Variants in PROM2 observed in about 807,000 individuals in gnomAD.
PROM2 encodes prominin 2.
A neutral mutation model predicts 110.2 loss-of-function variants in PROM2; 90 were observed. The observed-to-expected ratio is 0.82, with a 90% CI of 0.69 to 0.97. The LOEUF is 0.97. Among genes scored for constraint, PROM2 ranks in the 50% least tolerant of loss-of-function variants. PROM2 has a pLI of 0.00. For missense variants in PROM2, 1,009 were observed against 1,074.8 expected (o/e 0.94, Z 0.86); for synonymous variants, 470 against 467.8 (o/e 1.00, Z -0.06).
At chr2:95,285,404 T>A (rs1278703447) in intron 15 of PROM2, among the ~76,000 whole-genome samples, 1 of 152,232 alleles carries the variant, frequency 6.6e-6, no homozygotes, top group Non-Finnish European at 1.5e-5. Flanking sequence ...AGTTGCCTCT[T>A]CCTTAGTTAC....
Position 95,283,288 on chromosome 2 carries a change from A to G in PROM2, c.1728+1062A>G, listed in dbSNP as rs144752156. 2.9e-4 allele frequency among the ~76,000 whole-genome samples: 44 copies of G among 152,264 alleles called. 1 individual carries two copies. The East Asian group carries it at 8.1e-3, about 28-fold the overall frequency. The stretch of plus-strand genomic sequence containing the variant: ...GGAGTCCTGGGCTCTGGTCCTTGGC[A>G]GGGGAGGGTCCAGCTCACAGGAGAG... On this transcript the variant is annotated intron_variant, in intron 14 of 23. Transcript: ENST00000317620.
Position 95,279,046 on chromosome 2 carries a change from G to C in PROM2, c.1176G>C (p.Pro392=). The C allele has an allele frequency of 6.2e-7, 1 of 1,613,084 alleles. No homozygotes were observed. The change falls in exon 10 of 24, where the codon CCG becomes CCC. Residue 392 remains proline (P), a synonymous_variant. Coordinates refer to ENST00000317620, the MANE Select transcript of PROM2 (RefSeq NM_001165978.3). ...TGAGGACACTGGCTGAAGGGTTCCCGGGCTTGGAGGCAGCTTCCCGCTGGG... is the reference window on the plus strand; with the variant it reads ...TGAGGACACTGGCTGAAGGGTTCCCCGGCTTGGAGGCAGCTTCCCGCTGGG... The part of the protein sequence containing the change: ...EGVRTLAEGF[P]GLEAASRWAQ...
In PROM2 at chr2:95,276,884, C is replaced by T. The variant is rs1177391444; in HGVS notation, c.683-88C>T. The T allele has an allele frequency of 7.1e-7, 1 of 1,407,432 alleles. No individual in the cohort carries two copies. Among genetic ancestry groups the T allele is most frequent in the Non-Finnish European group, 9.8e-7 (1 of 1,019,624 alleles). 87.2% of individuals were successfully genotyped at this position (1,407,432 alleles called of 1,614,324 possible). A position where few individuals can be genotyped will look rare whatever the true frequency, so the allele number is the denominator to read the frequency against. Reference sequence around the variant, plus strand: ...CTCCACCCCCCGGCTCCTGCAGAGCCCGGTGGGGCCTGGGGAGGCAGGATG... The same window carrying T: ...CTCCACCCCCCGGCTCCTGCAGAGCTCGGTGGGGCCTGGGGAGGCAGGATG... On this transcript the variant is annotated intron_variant, in intron 5 of 23. Coordinates refer to ENST00000317620, the MANE Select transcript of PROM2 (RefSeq NM_001165978.3). This position sits in a 1 kb window ranked among gnomAD's most constrained non-coding sequence, Gnocchi z 4.6.
At chr2:95,286,402 G>C in intron 16 of PROM2, 77 bp from the exon 17 acceptor site, 1 of 1,278,596 alleles carries the variant, frequency 7.8e-7, no homozygotes, top group Non-Finnish European at 1.1e-6. Flanking sequence ...ACTTTCTCTT[G>C]GTATGTCAGA....
intron 10 of PROM2, 21 bp from the exon 11 acceptor site, chr2:95,279,824 C>A: frequency 7.0e-7 from 1 of 1,430,110 alleles, no homozygotes; most frequent in South Asian, 1.6e-5. Context: ...CTTAGTGACA[C>A]CCATGTCCTC....
chr2:95,281,733 G>A (rs1299799310), intron 12 of PROM2, among the ~76,000 whole-genome samples, 192 bp from the exon 13 acceptor site: 2 of 152,096 alleles, frequency 1.3e-5, no homozygotes, highest in African/African-American at 4.8e-5. Flanking sequence ...AGGGATTCAT[G>A]GGAAGAGCCC....
chr2:95,278,237 G>C (rs1573448560), intron 8 of PROM2: 3 of 589,514 alleles, frequency 5.1e-6, no homozygotes, highest in Non-Finnish European at 6.0e-6. Flanking sequence ...AGGGAGCAGT[G>C]CTCAGTCTGA....
Position 95,285,663 on chromosome 2 carries a change from A to G in PROM2, c.1900A>G (p.Ser634Gly). ...VQIQRPVVKT[S>G]MEQLAQELQG... ...GATCCAGAGGCCCGTGGTGAAGACC[A>G]GCATGGAGCAGCTGGCCCAGGAGCT... Residue 634 changes from serine to glycine, a missense_variant, in exon 16 of 24, where the codon AGC becomes GGC. Transcript: ENST00000317620. The G allele has an allele frequency of 6.2e-7, 1 of 1,604,232 alleles. No individual in the cohort carries two copies.
chr2:95,280,951 A>C (rs1236690018), intron 11 of PROM2, among the ~76,000 whole-genome samples: 1 of 152,180 alleles, frequency 6.6e-6, no homozygotes, highest in Non-Finnish European at 1.5e-5. Context: ...GTGAGCCCGG[A>C]TAGTCCTGGC....
In PROM2 at chr2:95,275,126, G is replaced by A. The variant is rs1339266263; in HGVS notation, c.244+297G>A. 6.2e-6 allele frequency: 3 copies of A among 484,794 alleles called. No homozygotes were observed. Among genetic ancestry groups the A allele is most frequent in the African/African-American group, 3.9e-5 (2 of 50,984 alleles). 30.0% of individuals were successfully genotyped at this position (484,794 alleles called of 1,614,324 possible). ...ATCGGTGCTTGGGTTGGGTGGTCCAGGAGTGTCTGAAGGACCCTCCCAGTC... is the reference window on the plus strand; with the variant it reads ...ATCGGTGCTTGGGTTGGGTGGTCCAAGAGTGTCTGAAGGACCCTCCCAGTC... On this transcript the variant is annotated intron_variant, in intron 1 of 23. Coordinates refer to ENST00000317620, the MANE Select transcript of PROM2 (RefSeq NM_001165978.3). This position sits in a 1 kb window ranked among gnomAD's most constrained non-coding sequence, Gnocchi z 4.4.
At position 95,286,824 on chromosome 2, in the gene PROM2, C is replaced by G. The variant is rs1393568630; in HGVS notation, c.2061C>G (p.Val687=). The change falls in exon 18 of 24, where the codon GTC becomes GTG. Residue 687 remains valine (V), a synonymous_variant. Transcript: ENST00000317620. The part of the protein sequence containing the change: ...QSLVAKLNLS[V]RALESSAPNL... The stretch of plus-strand genomic sequence containing the variant: ...CACAGGCAAAGCTCAACCTCAGCGT[C>G]AGGGCCCTGGAGTCCTCTGCCCCGA... 2.5e-6 allele frequency: 4 copies of G among 1,613,782 alleles called. No individual in the cohort carries two copies. Among genetic ancestry groups the G allele is most frequent in the Non-Finnish European group, 3.4e-6 (4 of 1,179,966 alleles).
At chr2:95,288,376 C>T (rs893813962) in intron 21 of PROM2, 76 bp downstream of exon 21, 3 of 1,590,430 alleles carry the variant, frequency 1.9e-6, no homozygotes, top group Non-Finnish European at 2.6e-6. Context: ...GCCGGGTGAG[C>T]AGGGTGTGAA....
Position 95,276,018 on chromosome 2 carries a change from G to C in PROM2, c.383G>C (p.Cys128Ser), listed in dbSNP as rs965544697. Reference protein sequence around the residue: ...LLVPTAGLCFCCCRCHRRCGG... With the variant: ...LLVPTAGLCFSCCRCHRRCGG... ...GTGCCCACTGCCGGGCTTTGCTTCT[G>C]CTGCTGCCGCTGCCACCGGCGCTGC... The change falls in exon 3 of 24, where the codon TGC (cysteine) becomes TCC (serine). Residue 128 changes from cysteine (C) to serine (S), a missense_variant. Transcript: ENST00000317620. The surrounding 1 kb of genome is among the most constrained non-coding windows in gnomAD (Gnocchi z 4.6). 1 of 1,611,212 alleles carries C rather than the reference G, an allele frequency of 6.2e-7. No homozygotes were observed. The highest frequency in any genetic ancestry group is 8.5e-7 in the Non-Finnish European group (1 of 1,179,790).
At position 95,275,974 on chromosome 2, in the gene PROM2, G is replaced by T; in HGVS notation, c.339G>T (p.Ala113=). 1.2e-6 allele frequency: 2 copies of T among 1,612,244 alleles called. No homozygotes were observed. Among genetic ancestry groups the T allele is most frequent in the South Asian group, 1.1e-5 (1 of 91,006 alleles). ...EAGYVVCAVI[A]GLYLLLVPTA... is the part of the protein sequence containing the mutation. ...GCTACGTGGTATGCGCTGTGATCGC[G>T]GGCCTCTACCTGCTGCTGGTGCCCA... The change falls in exon 3 of 24, where the codon GCG becomes GCT. Residue 113 remains alanine (A), a synonymous_variant. Transcript: ENST00000317620. This position sits in a 1 kb window ranked among gnomAD's most constrained non-coding sequence, Gnocchi z 4.4.
chr2:95,280,811 A>C (rs1443845787), intron 11 of PROM2, among the ~76,000 whole-genome samples: 1 of 152,022 alleles, frequency 6.6e-6, no homozygotes, highest in Non-Finnish European at 1.5e-5. Context: ...CCCCCAGCTA[A>C]TTTTTAAAAT....
chr2:95,282,233 G>C lies in PROM2; in HGVS notation c.1728+7G>C, dbSNP rs1488834036. 1.9e-6 allele frequency: 3 copies of C among 1,609,370 alleles called. No individual in the cohort carries two copies. In the African/African-American group the frequency reaches 4.0e-5, roughly 21 times the overall value. On this transcript the variant is annotated splice_region_variant and intron_variant, in intron 14 of 23. Transcript: ENST00000317620. ...GCACCTGGATATCAACCAGGTGAGA[G>C]AACGTTTTGGAAACTGTGAGGAGCC...
chr2:95,286,079 T>C (rs921940192), intron 16 of PROM2, among the ~76,000 whole-genome samples: 1 of 152,192 alleles, frequency 6.6e-6, no homozygotes, highest in African/African-American at 2.4e-5. Context: ...TGTGAGGACA[T>C]TGGGATGAAT....
chr2:95,275,791 C>T lies in PROM2; in HGVS notation c.295-139C>T. On this transcript the variant is annotated intron_variant, in intron 2 of 23. Transcript: ENST00000317620. This position sits in a 1 kb window ranked among gnomAD's most constrained non-coding sequence, Gnocchi z 4.4. The stretch of plus-strand genomic sequence containing the variant: ...TGATGAGCAGTAAGAATGCGGTCAC[C>T]TCTGGGACGGGTTCCATGAGATGCA... 1 of 1,494,330 alleles carries T rather than the reference C, an allele frequency of 6.7e-7. No individual in the cohort carries two copies. The highest frequency in any genetic ancestry group is 8.9e-7 in the Non-Finnish European group (1 of 1,125,176). 92.6% of individuals were successfully genotyped at this position (1,494,330 alleles called of 1,614,324 possible).
intron 17 of PROM2, 86 bp downstream of exon 17, chr2:95,286,657 G>GTCCCT: frequency 8.4e-7 from 1 of 1,191,446 alleles, no homozygotes; most frequent in Admixed American, 1.9e-5. Flanking sequence ...AGTTCTGAGA[G>GTCCCT]TCCCTTCCCT....
Sources: allele counts gnomAD v4.1 joint callset (sites outside exome capture counted in the v4.1 genomes callset), GRCh38; gene constraint gnomAD v4.1.1; non-coding constraint Gnocchi (gnomAD v3.1); transcripts MANE v1.5; gene names NCBI Gene and HGNC (gene_info 2026-07-23, HGNC 2026-07-21).